Variants in APP observed in about 807,000 individuals in gnomAD.
APP encodes the protein amyloid-beta precursor protein.
A neutral mutation model predicts 101.4 loss-of-function variants in APP; 31 were observed. That is an observed-to-expected ratio of 0.31 (90% CI 0.23 to 0.41). APP has a LOEUF of 0.41. Among genes scored for constraint, APP ranks in the 10% least tolerant of loss-of-function variants. The pLI is 1.00. For missense variants in APP, 839 were observed against 1,003.7 expected, an observed-to-expected ratio of 0.84 and a Z score of 2.22; for synonymous variants, 366 against 364.4, an observed-to-expected ratio of 1.00 and a Z score of -0.05.
chr21:26,107,391 A>G (rs967496470), intron 2 of APP, among the ~76,000 whole-genome samples: 1 of 152,218 alleles, frequency 6.6e-6, no homozygotes, highest in Non-Finnish European at 1.5e-5. Context: ...TCATTAATGA[A>G]TTGAATAAAA....
chr21:25,896,441 A>G (rs537318830), intron 16 of APP, among the ~76,000 whole-genome samples: 4 of 152,208 alleles, frequency 2.6e-5, no homozygotes, highest in African/African-American at 9.6e-5. Flanking sequence ...CACACAAAAC[A>G]AAACAAAAGA....
intron 5 of APP, among the ~76,000 whole-genome samples, chr21:26,035,458 C>A (rs959265273): frequency 2.0e-5 from 3 of 151,882 alleles, no homozygotes; most frequent in Admixed American, 2.0e-4. Context: ...GGTGATACTG[C>A]GGAGGTAGGG....
At chr21:25,993,222 G>A (rs2042936759) in intron 8 of APP, among the ~76,000 whole-genome samples, 1 of 152,172 alleles carries the variant, frequency 6.6e-6, no homozygotes, top group African/African-American at 2.4e-5. Context: ...ATTCTGATGT[G>A]CCTAGAAATC....
intron 1 of APP, among the ~76,000 whole-genome samples, chr21:26,133,440 T>C (rs1209442722): frequency 1.3e-5 from 2 of 152,236 alleles, no homozygotes; most frequent in African/African-American, 2.4e-5. Context: ...CATTAGACTA[T>C]GGATTCAGTC....
chr21:26,051,000 C>G lies in APP; in HGVS notation c.662G>C (p.Ser221Thr). The change falls in exon 5 of 18, where the codon AGT becomes ACT. Residue 221 changes from serine (S) to threonine (T), a missense_variant and splice_region_variant. By Grantham distance (58) the Ser-to-Thr change is moderately conservative (BLOSUM62 1). Transcript: ENST00000346798. ...GGADTDYADG[S>T]EDKVVEVAEE... ...AGGCTGAACACAAAGGCCACCTTAC[C>G]TCCCATCTGCATAGTCTGTGTCTGC... 6.2e-7 allele frequency: 1 copy of G among 1,614,134 alleles called. No individual in the cohort carries two copies. The highest frequency in any genetic ancestry group is 8.5e-7 in the Non-Finnish European group (1 of 1,180,018).
At position 26,049,748 on chromosome 21, in the gene APP, T is replaced by C. The variant is rs2045759186; in HGVS notation, c.662+1252A>G. The stretch of plus-strand genomic sequence containing the variant: ...ATAGGTAAGAATGGTTATCCATTGA[T>C]TCCATCCTGATTAGAAAGGCAGGCA... On this transcript the variant is annotated intron_variant, in intron 5 of 17. Transcript: ENST00000346798. 2.6e-5 allele frequency among the ~76,000 whole-genome samples: 4 copies of C among 152,320 alleles called. No homozygotes were observed. The South Asian group carries it at 8.3e-4, about 32-fold the overall frequency.
chr21:26,158,973 C>T (rs1485735884), intron 1 of APP, among the ~76,000 whole-genome samples: 3 of 152,206 alleles, frequency 2.0e-5, no homozygotes, highest in African/African-American at 7.2e-5. Context: ...ACTCACAGCC[C>T]CACCCAGATT....
chr21:26,095,866 C>T (rs2061930196), intron 2 of APP, among the ~76,000 whole-genome samples: 1 of 152,206 alleles, frequency 6.6e-6, no homozygotes, highest in African/African-American at 2.4e-5. Flanking sequence ...TCCTAACTCT[C>T]ATACTCCCCT....
intron 2 of APP, among the ~76,000 whole-genome samples, chr21:26,103,364 T>C (rs1050044727): frequency 6.6e-6 from 1 of 152,124 alleles, no homozygotes; most frequent in Admixed American, 6.5e-5. Flanking sequence ...ATCCCAGCAC[T>C]TTGGGAGGCC....
At chr21:26,098,390 C>T (rs532068201) in intron 2 of APP, among the ~76,000 whole-genome samples, 2 of 151,558 alleles carry the variant, frequency 1.3e-5, no homozygotes, top group Non-Finnish European at 2.9e-5. Context: ...TTGCTAAATA[C>T]GTAAAGCAAG....
At position 25,967,974 on chromosome 21, in the gene APP, T is replaced by C. The variant is rs143733291; in HGVS notation, c.1458+7096A>G. On this transcript the variant is annotated intron_variant, in intron 11 of 17. Transcript: ENST00000346798. ...GGAAAAAGTGCTAACTCCTTGATTT[T>C]CCAAAGAAAGTCTAAGGAAAGTAAA... Among the ~76,000 whole-genome samples, 346 of 152,264 alleles carry C rather than the reference T, an allele frequency of 2.3e-3. 2 individuals carry two copies. Among genetic ancestry groups the C allele is most frequent in the Middle Eastern group, 6.8e-3 (2 of 294 alleles).
intron 1 of APP, among the ~76,000 whole-genome samples, chr21:26,168,753 G>C (rs1391660934): frequency 6.6e-6 from 1 of 152,168 alleles, no homozygotes; most frequent in South Asian, 2.1e-4. Context: ...AATTCTCTTA[G>C]TTAAGTGCAT....
intron 1 of APP, among the ~76,000 whole-genome samples, chr21:26,170,203 C>T (rs557781008): frequency 6.6e-6 from 1 of 152,310 alleles, no homozygotes; most frequent in African/African-American, 2.4e-5. Flanking sequence ...CCCACGTGCT[C>T]CTTCCCCCTT....
At chr21:25,987,498 G>A (rs533880782) in intron 8 of APP, among the ~76,000 whole-genome samples, 219 of 152,246 alleles carry the variant, frequency 1.4e-3, no homozygotes, top group African/African-American at 5.2e-3. Context: ...GCCTTGAGGG[G>A]CATGGTAGGA....
intron 2 of APP, among the ~76,000 whole-genome samples, chr21:26,097,087 C>T (rs2061959061): frequency 6.6e-6 from 1 of 152,200 alleles, no homozygotes; most frequent in African/African-American, 2.4e-5. Flanking sequence ...GCTTTATGCT[C>T]CTTCCAATTG....
At chr21:26,121,143 AC>A (rs1179707703) in intron 1 of APP, among the ~76,000 whole-genome samples, 1 of 152,172 alleles carries the variant, frequency 6.6e-6, no homozygotes, top group Non-Finnish European at 1.5e-5. Context: ...TCAGCACCAA[AC>A]AAATCCCAAA....
rs1345981741 is a variant in APP at position 26,031,779 on chromosome 21, T to G, written c.663-9737A>C. 4.6e-5 allele frequency among the ~76,000 whole-genome samples: 7 copies of G among 152,068 alleles called. No individual in the cohort carries two copies. In the East Asian group the frequency reaches 1.3e-3, roughly 29 times the overall value. ...GATATTTGAATGGAGACACAGCCAG[T>G]CCATATCAGGAAGCAAAAACAACAA... On this transcript the variant is annotated intron_variant, in intron 5 of 17. Coordinates refer to ENST00000346798, the MANE Select transcript of APP (RefSeq NM_000484.4).
At chr21:26,007,107 C>T (rs1354661097) in intron 6 of APP, among the ~76,000 whole-genome samples, 2 of 151,904 alleles carry the variant, frequency 1.3e-5, no homozygotes, top group East Asian at 3.8e-4. Flanking sequence ...TTTCTCCATA[C>T]TCTACAAGAA....
intron 3 of APP, among the ~76,000 whole-genome samples, chr21:26,067,120 T>C (rs1005361589): frequency 1.3e-5 from 2 of 152,180 alleles, no homozygotes; most frequent in Non-Finnish European, 2.9e-5. Context: ...AATTTAAAAT[T>C]TCCTGTAGCC....
Sources: allele counts gnomAD v4.1 joint callset (sites outside exome capture counted in the v4.1 genomes callset), GRCh38; gene constraint gnomAD v4.1.1; transcripts MANE v1.5; gene names NCBI Gene and HGNC (gene_info 2026-07-23, HGNC 2026-07-21).